Variants in UBE2D2 observed in about 807,000 individuals in gnomAD.
The protein encoded by UBE2D2 is ubiquitin-conjugating enzyme E2 D2.
UBE2D2 carries 2 observed loss-of-function variants against 24.2 expected under a neutral mutation model. The observed-to-expected ratio is 0.08, with a 90% CI of 0.03 to 0.26. The LOEUF is 0.26. Ranked by LOEUF, UBE2D2 falls within the 10% of genes least tolerant of loss-of-function variation. The pLI is 1.00. For synonymous variants in UBE2D2, 58 were observed against 56.5 expected (o/e 1.03, Z -0.12); for missense variants, 44 against 177.6 (o/e 0.25, Z 4.28).
chr5:139,548,903 C>T (rs1490315251), intron 1 of UBE2D2, among the ~76,000 whole-genome samples: 1 of 150,814 alleles, frequency 6.6e-6, no homozygotes, highest in African/African-American at 2.4e-5. Context: ...GGCTGGAGTG[C>T]AGTGGTGCGA....
At chr5:139,550,530 T>G (rs1752897714) in intron 1 of UBE2D2, among the ~76,000 whole-genome samples, 1 of 152,146 alleles carries the variant, frequency 6.6e-6, no homozygotes. Flanking sequence ...CTGCCTGCGC[T>G]AGTAGTGGCA....
rs1239934333 is a variant in UBE2D2, at chr5:139,561,433, A to G, written c.-359A>G. On this transcript the variant is annotated 5_prime_UTR_variant, in exon 1 of 7. Coordinates refer to ENST00000398733, the MANE Select transcript of UBE2D2 (RefSeq NM_003339.3). The stretch of plus-strand genomic sequence containing the variant: ...AGGCAATCCCTCCGGCTGTCCGACC[A>G]AGAGAGGCCGGCCGAGCCCGAGGCT... 1 of 232,474 alleles carries G rather than the reference A, an allele frequency of 4.3e-6. No homozygotes were observed. Among genetic ancestry groups the G allele is most frequent in the East Asian group, 8.2e-5 (1 of 12,124 alleles). The allele number at this position is 232,474 out of a possible 1,614,324, so 14.4% of individuals were successfully genotyped here.
intron 5 of UBE2D2, 108 bp downstream of exon 5, chr5:139,615,074 ATTC>A (rs775722379): frequency 1.9e-5 from 21 of 1,088,346 alleles, no homozygotes; most frequent in Non-Finnish European, 2.6e-5. Flanking sequence ...AGAGATAGCA[ATTC>A]TTCTTAATCT....
intron 1 of UBE2D2, among the ~76,000 whole-genome samples, chr5:139,591,091 C>T (rs1237590171): frequency 6.7e-6 from 1 of 148,430 alleles, no homozygotes; most frequent in Non-Finnish European, 1.5e-5. Context: ...GCCACTGTGC[C>T]CAACCTATGG....
At chr5:139,579,697 CTG>C (rs1190559343) in intron 1 of UBE2D2, among the ~76,000 whole-genome samples, 2 of 152,144 alleles carry the variant, frequency 1.3e-5, no homozygotes, top group Non-Finnish European at 2.9e-5. Flanking sequence ...GGACCAGGCA[CTG>C]TGCAAAAAGC....
intron 1 of UBE2D2, among the ~76,000 whole-genome samples, chr5:139,534,063 G>A (rs964953081): frequency 6.6e-6 from 1 of 151,570 alleles, no homozygotes; most frequent in Non-Finnish European, 1.5e-5. Flanking sequence ...TTACAGGCGT[G>A]AGCCACCGCG....
intron 1 of UBE2D2, among the ~76,000 whole-genome samples, chr5:139,555,920 A>C (rs1264610616): frequency 1.0e-5 from 1 of 97,194 alleles, no homozygotes; most frequent in Non-Finnish European, 2.0e-5. Context: ...GGAAGACTCC[A>C]TCTCAAAAAA....
chr5:139,617,261 A>G (rs1754438309), intron 5 of UBE2D2, among the ~76,000 whole-genome samples: 1 of 152,198 alleles, frequency 6.6e-6, no homozygotes, highest in South Asian at 2.1e-4. Context: ...AGAAAAAAGA[A>G]AAAAGGCATA....
In UBE2D2 at chr5:139,588,264, T is replaced by C. The variant is rs1161960194; in HGVS notation, c.25-12108T>C. ...TTGTTTAGCGTTTTTTTTTTTGTTT[T>C]GTTTTGTTTTGTTTTGAGACAGAGG... On this transcript the variant is annotated intron_variant, in intron 1 of 6. Transcript: ENST00000398733. Among the ~76,000 whole-genome samples the C allele has an allele frequency of 2.0e-5, 3 of 152,050 alleles. No homozygotes were observed. The East Asian group carries it at 5.8e-4, about 29-fold the overall frequency.
chr5:139,546,976 C>G (rs1752839373), intron 1 of UBE2D2, among the ~76,000 whole-genome samples: 1 of 151,574 alleles, frequency 6.6e-6, no homozygotes, highest in Non-Finnish European at 1.5e-5. Flanking sequence ...TCACTGCAAC[C>G]TCCTTCTCCC....
chr5:139,568,754 C>T (rs1038835301), intron 1 of UBE2D2, among the ~76,000 whole-genome samples: 21 of 152,096 alleles, frequency 1.4e-4, no homozygotes, highest in African/African-American at 5.1e-4. Context: ...GAGTGGATCA[C>T]GAGGTCAGGA....
chr5:139,554,965 T>C (rs991257741), intron 1 of UBE2D2: 11 of 152,380 alleles, frequency 7.2e-5, no homozygotes, highest in African/African-American at 2.7e-4. Flanking sequence ...CTGGTTGTGA[T>C]CAATTAGTTG....
intron 2 of UBE2D2, among the ~76,000 whole-genome samples, chr5:139,610,318 G>A (rs149241165): frequency 2.4e-4 from 36 of 151,900 alleles, no homozygotes; most frequent in African/African-American, 8.7e-4. Flanking sequence ...CGAAGTGGGC[G>A]GATCATAAGG....
chr5:139,604,140 CTTT>C (rs558742235), intron 2 of UBE2D2, among the ~76,000 whole-genome samples: 4 of 140,314 alleles, frequency 2.9e-5, no homozygotes, highest in Admixed American at 7.2e-5. Flanking sequence ...ATTTTTAAAA[CTTT>C]TTTTTTTTTT....
chr5:139,607,186 T>A (rs1055243122), intron 2 of UBE2D2, among the ~76,000 whole-genome samples: 3 of 152,236 alleles, frequency 2.0e-5, no homozygotes, highest in Non-Finnish European at 2.9e-5. Flanking sequence ...TACTTCTGCC[T>A]ATAAGAGCTA....
chr5:139,597,383 C>T (rs1183948197), intron 1 of UBE2D2, among the ~76,000 whole-genome samples: 3 of 152,192 alleles, frequency 2.0e-5, no homozygotes, highest in African/African-American at 7.2e-5. Flanking sequence ...TGTATCAGTG[C>T]CATCAGCCAA....
At position 139,538,148 on chromosome 5, in the gene UBE2D2, TA is replaced by T. The variant is rs543446417; in HGVS notation, c.-64+11538del. On this transcript the variant is annotated intron_variant, in intron 1 of 6. Transcript: ENST00000511725. ...CTGGGTTCAAGCAAGCATATGTGGCTAATTTTTGTATTTTTAGTGGAGATGG... is the reference window on the plus strand; with the variant it reads ...CTGGGTTCAAGCAAGCATATGTGGCTATTTTTGTATTTTTAGTGGAGATGG... Among the ~76,000 whole-genome samples, 12 of 152,080 alleles carry T rather than the reference TA, an allele frequency of 7.9e-5. No homozygotes were observed. The East Asian group carries it at 2.3e-3, about 30-fold the overall frequency.
At chr5:139,567,169 G>A (rs978222442) in intron 1 of UBE2D2, among the ~76,000 whole-genome samples, 4 of 152,020 alleles carry the variant, frequency 2.6e-5, no homozygotes, top group Non-Finnish European at 5.9e-5. Flanking sequence ...GCATGATCTC[G>A]GCTCACTGCA....
At chr5:139,588,610 CAT>C (rs1348787019) in intron 1 of UBE2D2, among the ~76,000 whole-genome samples, 5 of 152,216 alleles carry the variant, frequency 3.3e-5, no homozygotes, top group East Asian at 3.9e-4. Flanking sequence ...CTTTATATAA[CAT>C]ATCATTAAAA....
Sources: allele counts gnomAD v4.1 joint callset (sites outside exome capture counted in the v4.1 genomes callset), GRCh38; gene constraint gnomAD v4.1.1; transcripts MANE v1.5; gene names NCBI Gene and HGNC (gene_info 2026-07-23, HGNC 2026-07-21).